The following LPP variants were observed in gnomAD, a reference collection of about 807,000 sequenced individuals.
LPP encodes LIM domain containing preferred translocation partner in lipoma, also known as lipoma-preferred partner.
In LPP, 38 loss-of-function variants were observed where a neutral mutation model predicts 60.4. The ratio of observed to expected loss-of-function variants is 0.63; its 90% CI spans 0.49 to 0.83. The LOEUF is 0.83. Among genes scored for constraint, LPP ranks in the 40% least tolerant of loss-of-function variants. The probability of loss-of-function intolerance (pLI) is 0.00; values close to 1 mark genes in which losing one functional copy is unlikely to be tolerated. For synonymous variants in LPP, 328 were observed against 290.8 expected (o/e 1.13, Z -1.30); for missense variants, 902 against 783.6 (o/e 1.15, Z -1.80).
intron 1 of LPP, among the ~76,000 whole-genome samples, chr3:188,196,575 C>T (rs1729606917): frequency 6.6e-6 from 1 of 152,176 alleles, no homozygotes; most frequent in Non-Finnish European, 1.5e-5. Flanking sequence ...CCTTCTTTTT[C>T]TATTCTTACC....
intron 8 of LPP, among the ~76,000 whole-genome samples, chr3:188,749,483 G>A (rs1378393576): frequency 1.3e-5 from 2 of 152,104 alleles, no homozygotes; most frequent in Non-Finnish European, 2.9e-5. Context: ...CTACTAAACG[G>A]TAAAACAGAA....
intron 5 of LPP, among the ~76,000 whole-genome samples, chr3:188,492,253 A>G (rs1560474112): frequency 6.6e-6 from 1 of 152,176 alleles, no homozygotes; most frequent in Non-Finnish European, 1.5e-5. Flanking sequence ...AAGTGAGACT[A>G]TAGTTGGTTC....
At chr3:188,673,067 C>T (rs568683120) in intron 7 of LPP, among the ~76,000 whole-genome samples, 1 of 151,662 alleles carries the variant, frequency 6.6e-6, no homozygotes, top group Admixed American at 6.6e-5. Context: ...CTGTCTGTTC[C>T]AGTAGAGAAA....
intron 2 of LPP, among the ~76,000 whole-genome samples, chr3:188,317,906 G>A (rs991757571): frequency 6.6e-6 from 1 of 152,188 alleles, no homozygotes; most frequent in Non-Finnish European, 1.5e-5. Flanking sequence ...GTGAGGGCAT[G>A]TGATCGTGGA....
At chr3:188,756,319 C>T (rs749188303) in intron 8 of LPP, among the ~76,000 whole-genome samples, 5 of 152,192 alleles carry the variant, frequency 3.3e-5, no homozygotes, top group Non-Finnish European at 7.3e-5. Context: ...GCTGCCGGCC[C>T]TCTGTCATCG....
intron 9 of LPP, among the ~76,000 whole-genome samples, chr3:188,817,303 T>C (rs1015530729): frequency 2.0e-5 from 3 of 152,192 alleles, no homozygotes; most frequent in African/African-American, 7.2e-5. Context: ...CACAGAGCCT[T>C]ATCAAAGTTT....
rs114865926 is a variant in LPP at position 188,873,972 on chromosome 3, G to T, written c.1711-379G>T. Reference sequence around the variant, plus strand: ...ATTTTGAGAGATCCTTAAACTAATGGTAAAGGGTAAAAAATGCATCGGTGG... The same window carrying T: ...ATTTTGAGAGATCCTTAAACTAATGTTAAAGGGTAAAAAATGCATCGGTGG... On this transcript the variant is annotated intron_variant, in intron 11 of 11. Transcript: ENST00000617246. 5.2e-3 allele frequency among the ~76,000 whole-genome samples: 785 copies of T among 152,126 alleles called. 2 individuals carry two copies. The highest frequency in any genetic ancestry group is 8.4e-3 in the Non-Finnish European group (572 of 67,998).
intron 6 of LPP, among the ~76,000 whole-genome samples, chr3:188,600,448 T>G (rs1023617348): frequency 6.6e-6 from 1 of 151,582 alleles, no homozygotes; most frequent in African/African-American, 2.4e-5. Flanking sequence ...GAGATATAGA[T>G]AGATGCATTA....
chr3:188,584,244 A>G (rs1480441218), intron 6 of LPP: 1 of 152,188 alleles, frequency 6.6e-6, no homozygotes, highest in East Asian at 1.9e-4. Context: ...CACAATTTTT[A>G]AAAGGAAATG....
chr3:188,241,051 A>T (rs2149463042), intron 2 of LPP, among the ~76,000 whole-genome samples: 1 of 152,334 alleles, frequency 6.6e-6, no homozygotes, highest in Non-Finnish European at 1.5e-5. Context: ...GACAGTGAGA[A>T]TGTCCCTACA....
rs1560644220 is a variant in LPP at position 188,613,316 on chromosome 3, A to ATATC, written c.1113+3473_1113+3476dup. Reference sequence around the variant, plus strand: ...TCTATATCTATATCTATATCTATATATATCGCTGTGAGTTGGGAGCCACGT... The same window carrying ATATC: ...TCTATATCTATATCTATATCTATATATATCTATCGCTGTGAGTTGGGAGCCACGT... On this transcript the variant is annotated intron_variant, in intron 7 of 11. Coordinates refer to ENST00000617246, the MANE Select transcript of LPP (RefSeq NM_001375462.1). Among the ~76,000 whole-genome samples, 72 of 55,076 alleles carry ATATC rather than the reference A, an allele frequency of 1.3e-3. 1 individual carries two copies. Among genetic ancestry groups the ATATC allele is most frequent in the African/African-American group, 3.6e-3 (71 of 19,994 alleles). 36.1% of individuals were successfully genotyped at this position (55,076 alleles called of 152,430 possible). A position where few individuals can be genotyped will look rare whatever the true frequency, so the allele number is the denominator to read the frequency against.
At chr3:188,301,521 GA>G (rs1174727225) in intron 2 of LPP, among the ~76,000 whole-genome samples, 1 of 152,180 alleles carries the variant, frequency 6.6e-6, no homozygotes, top group East Asian at 1.9e-4. Flanking sequence ...GACATAGAAT[GA>G]AGAGCTATTG....
At chr3:188,406,391 T>C in intron 4 of LPP, 78 bp downstream of exon 4, 3 of 1,342,480 alleles carry the variant, frequency 2.2e-6, no homozygotes, top group Non-Finnish European at 3.1e-6. Context: ...TACAAAGTTG[T>C]GTCAGAAAAA....
In LPP at chr3:188,886,729, C is replaced by CACACAT. The variant is rs1553882077; in HGVS notation, c.*12255_*12256insTACACA. 1.5e-3 allele frequency: 203 copies of CACACAT among 137,164 alleles called. No individual in the cohort carries two copies. The highest frequency in any genetic ancestry group is 2.6e-3 in the East Asian group (24 of 9,366). The allele number at this position is 137,164 out of a possible 1,614,324, so 8.5% of individuals were successfully genotyped here. A position where few individuals can be genotyped will look rare whatever the true frequency, so the allele number is the denominator to read the frequency against. On this transcript the variant is annotated 3_prime_UTR_variant, in exon 12 of 12. Transcript: ENST00000617246. The stretch of plus-strand genomic sequence containing the variant: ...TTGTATTGTCTTCAAAACACACACA[C>CACACAT]ACACACATACACACACACACACACA...
chr3:188,384,071 T>A (rs923586590), intron 3 of LPP, among the ~76,000 whole-genome samples: 1 of 152,188 alleles, frequency 6.6e-6, no homozygotes, highest in African/African-American at 2.4e-5. Flanking sequence ...ACCCAACATA[T>A]TGAAAATGGT....
At chr3:188,626,398 G>A (rs1015813549) in intron 7 of LPP, among the ~76,000 whole-genome samples, 1 of 152,116 alleles carries the variant, frequency 6.6e-6, no homozygotes, top group Admixed American at 6.6e-5. Context: ...ATATATAAGG[G>A]ATTTGAGCAT....
intron 3 of LPP, among the ~76,000 whole-genome samples, chr3:188,376,903 A>G (rs57593736): frequency 0.011 from 1,694 of 152,224 alleles, 25 homozygotes; most frequent in African/African-American, 0.037. Flanking sequence ...CAGGCCTGGT[A>G]GTGACAAAAT....
intron 4 of LPP, among the ~76,000 whole-genome samples, chr3:188,439,732 A>G (rs963125213): frequency 1.2e-4 from 19 of 152,222 alleles, no homozygotes; most frequent in African/African-American, 4.3e-4. Flanking sequence ...AGATACCATC[A>G]TAGGCACTGA....
rs900848619 is a variant in LPP, at chr3:188,283,813, A to G, written c.-66-57850A>G. Among the ~76,000 whole-genome samples, 10 of 152,112 alleles carry G rather than the reference A, an allele frequency of 6.6e-5. No individual in the cohort carries two copies. The East Asian group carries it at 1.8e-3, about 27-fold the overall frequency. ...ACCAACACGGTGAAAGCCCATCTCT[A>G]CTAAAATACAAAAATTAGCCAGGCG... On this transcript the variant is annotated intron_variant, in intron 2 of 11. Transcript: ENST00000617246.
Sources: allele counts gnomAD v4.1 joint callset (sites outside exome capture counted in the v4.1 genomes callset), GRCh38; gene constraint gnomAD v4.1.1; transcripts MANE v1.5; gene names NCBI Gene and HGNC (gene_info 2026-07-23, HGNC 2026-07-21).